The following ZNF638 variants were observed in gnomAD, a reference collection of about 807,000 sequenced individuals.
ZNF638 encodes the protein zinc finger protein 638.
ZNF638 carries 46 observed loss-of-function variants against 195.6 expected under a neutral mutation model. The observed-to-expected ratio is 0.24, with a 90% CI of 0.19 to 0.30. ZNF638 has a LOEUF of 0.30. Among genes scored for constraint, ZNF638 ranks in the 10% least tolerant of loss-of-function variants. The probability of loss-of-function intolerance (pLI) is 1.00; values close to 1 mark genes in which losing one functional copy is unlikely to be tolerated. For missense variants in ZNF638, 2,440 were observed against 2,325.3 expected, an observed-to-expected ratio of 1.05 and a Z score of -1.01; for synonymous variants, 845 against 772.0, an observed-to-expected ratio of 1.09 and a Z score of -1.57.
chr2:71,403,658 A>T (rs186965945), intron 16 of ZNF638, among the ~76,000 whole-genome samples: 3 of 152,024 alleles, frequency 2.0e-5, no homozygotes, highest in African/African-American at 7.2e-5. Flanking sequence ...TAGTATAGTA[A>T]GTTTATTCAT....
At chr2:71,370,714 A>G (rs1202386366) in intron 8 of ZNF638, among the ~76,000 whole-genome samples, 1 of 152,140 alleles carries the variant, frequency 6.6e-6, no homozygotes, top group African/African-American at 2.4e-5. Context: ...GGTACATAGT[A>G]GGTATATATA....
At chr2:71,333,051 C>T (rs1220193920) in intron 1 of ZNF638, 3 of 152,022 alleles carry the variant, frequency 2.0e-5, no homozygotes, top group Non-Finnish European at 2.9e-5. Context: ...AATTGATAAC[C>T]TGGAGAAAAG....
Position 71,423,056 on chromosome 2 carries a change from T to C in ZNF638, c.3542T>C (p.Val1181Ala), listed in dbSNP as rs754995127. 3 of 1,614,036 alleles carry C rather than the reference T, an allele frequency of 1.9e-6. No homozygotes were observed. The highest frequency in any genetic ancestry group is 2.2e-5 in the East Asian group (1 of 44,886). Residue 1181 changes from valine (V) to alanine (A), a missense_variant, in exon 22 of 28, where the codon GTA becomes GCA. This residue lies in a region of ZNF638 where 1,883 missense variants were observed against 1,739.1 expected (regional missense o/e 1.08). Coordinates refer to ENST00000264447, the MANE Select transcript of ZNF638 (RefSeq NM_014497.5). ...GAGGTCAAAGAAGAAATTCCTCTTG[T>C]AGCATCCGCTTCAGTCAGTATTGAA... ...GEEVKEEIPL[V>A]ASASVSIEQF... is the part of the protein sequence containing the mutation.
In ZNF638 at chr2:71,364,343, T is replaced by A; in HGVS notation, c.1717+91T>A. 6 of 1,347,940 alleles carry A rather than the reference T, an allele frequency of 4.5e-6. No individual in the cohort carries two copies. In the South Asian group the frequency reaches 9.0e-5, roughly 20 times the overall value. 83.5% of individuals were successfully genotyped at this position (1,347,940 alleles called of 1,614,324 possible). On this transcript the variant is annotated intron_variant, in intron 5 of 27. Transcript: ENST00000264447. ...TTGGATTTTGAGAAATGTTCTACTT[T>A]ATTAAATTTTAGAGTTGATAAATGA... is the stretch of plus-strand genomic sequence containing the variant.
chr2:71,396,137 T>G lies in ZNF638; in HGVS notation c.2378-4T>G. On this transcript the variant is annotated splice_polypyrimidine_tract_variant and splice_region_variant and intron_variant, in intron 10 of 27. Transcript: ENST00000264447. ...GTACTTAAATGTTTTTCTTGTTGTTTTAGCCAAAACTGGACAAGCCAAGGC... is the reference window on the plus strand; with the variant it reads ...GTACTTAAATGTTTTTCTTGTTGTTGTAGCCAAAACTGGACAAGCCAAGGC... 1 of 1,612,542 alleles carries G rather than the reference T, an allele frequency of 6.2e-7. No individual in the cohort carries two copies. Among genetic ancestry groups the G allele is most frequent in the Non-Finnish European group, 8.5e-7 (1 of 1,179,544 alleles).
intron 10 of ZNF638, among the ~76,000 whole-genome samples, chr2:71,383,307 C>T (rs895844869): frequency 6.6e-6 from 1 of 152,068 alleles, no homozygotes; most frequent in Non-Finnish European, 1.5e-5. Flanking sequence ...AAGAGCGAGA[C>T]TCCACCTCAA....
At chr2:71,346,218 A>G (rs575226138) in intron 1 of ZNF638, among the ~76,000 whole-genome samples, 5 of 152,348 alleles carry the variant, frequency 3.3e-5, no homozygotes, top group African/African-American at 4.8e-5. Context: ...CAAATGGAAT[A>G]AGTGGTTCAG....
intron 8 of ZNF638, chr2:71,375,212 A>G (rs1038213155): frequency 2.0e-5 from 3 of 152,202 alleles, no homozygotes; most frequent in Non-Finnish European, 4.4e-5. Context: ...GGCCTTAGTT[A>G]TTAACAATTT....
intron 20 of ZNF638, among the ~76,000 whole-genome samples, chr2:71,409,584 C>T (rs764318344): frequency 2.0e-5 from 3 of 152,144 alleles, no homozygotes; most frequent in Non-Finnish European, 1.5e-5. Flanking sequence ...TATTCCCAGT[C>T]ATTTCTCAAA....
At chr2:71,395,700 TTC>T (rs1159101393) in intron 10 of ZNF638, 6 of 457,618 alleles carry the variant, frequency 1.3e-5, no homozygotes, top group Non-Finnish European at 2.5e-5. Flanking sequence ...CAGGGCTGCA[TTC>T]TCTCTTTGGT....
At chr2:71,360,409 A>G (rs528105084) in intron 3 of ZNF638, among the ~76,000 whole-genome samples, 1 of 152,298 alleles carries the variant, frequency 6.6e-6, no homozygotes, top group South Asian at 2.1e-4. Context: ...AGTTCCTTCT[A>G]ATATATAAGC....
chr2:71,421,489 A>G lies in ZNF638; in HGVS notation c.3300-1325A>G, dbSNP rs146547656. 2.2e-3 allele frequency among the ~76,000 whole-genome samples: 332 copies of G among 152,262 alleles called. 3 individuals carry two copies. The highest frequency in any genetic ancestry group is 7.3e-3 in the African/African-American group (302 of 41,558). On this transcript the variant is annotated intron_variant, in intron 21 of 27. Transcript: ENST00000264447. ...AGAAAAGTTTTCTCCTCAGGATGTA[A>G]TCTTTGGGGCATGAGGGAAGACCAG...
At position 71,431,406 on chromosome 2, in the gene ZNF638, A is replaced by C; in HGVS notation, c.5730A>C (p.Ser1910=). 5 of 1,614,030 alleles carry C rather than the reference A, an allele frequency of 3.1e-6. No homozygotes were observed. The highest frequency in any genetic ancestry group is 4.2e-6 in the Non-Finnish European group (5 of 1,179,898). ...CTGAAGACTCTTCTTCAGGCAAATCAGTGGCGTCTGATGTCCCTGAGGGTA... is the reference window on the plus strand; with the variant it reads ...CTGAAGACTCTTCTTCAGGCAAATCCGTGGCGTCTGATGTCCCTGAGGGTA... ...KKTEDSSSGK[S]VASDVPEELD... Residue 1910 remains serine (S), a synonymous_variant, in exon 26 of 28, where the codon TCA becomes TCC. Coordinates refer to ENST00000264447, the MANE Select transcript of ZNF638 (RefSeq NM_014497.5).
chr2:71,347,532 A>T (rs1336484707), intron 1 of ZNF638, among the ~76,000 whole-genome samples: 1 of 152,236 alleles, frequency 6.6e-6, no homozygotes, highest in Non-Finnish European at 1.5e-5. Flanking sequence ...CATGATGTTG[A>T]TGTTTATAAC....
rs541541672 is a variant in ZNF638, at chr2:71,336,423, TAAAC to T, written c.-203+4552_-203+4555del. 3.9e-3 allele frequency among the ~76,000 whole-genome samples: 579 copies of T among 149,442 alleles called. 6 individuals carry two copies. Among genetic ancestry groups the T allele is most frequent in the African/African-American group, 0.013 (548 of 40,894 alleles). ...AAACCAAAAAAACACAAGTGCTTGT[TAAAC>T]AAATTGCTAGATCTCAATATAGGAA... On this transcript the variant is annotated intron_variant, in intron 1 of 27. Transcript: ENST00000264447.
rs926358533 is a variant in ZNF638, at chr2:71,382,084, T to A, written c.2377+1519T>A. Among the ~76,000 whole-genome samples, 38 of 152,134 alleles carry A rather than the reference T, an allele frequency of 2.5e-4. 2 individuals carry two copies. The highest frequency in any genetic ancestry group is 9.8e-4 in the Admixed American group (15 of 15,272). Reference sequence around the variant, plus strand: ...TTTTTCAGTAAGTGAGTTTAAAAAATTTTTTAAATAATTATAAAATTTCCA... The same window carrying A: ...TTTTTCAGTAAGTGAGTTTAAAAAAATTTTTAAATAATTATAAAATTTCCA... On this transcript the variant is annotated intron_variant, in intron 10 of 27. Transcript: ENST00000264447.
chr2:71,334,763 G>GA (rs767539877), intron 1 of ZNF638, among the ~76,000 whole-genome samples: 6 of 151,392 alleles, frequency 4.0e-5, no homozygotes, highest in Non-Finnish European at 7.4e-5. Context: ...ACTAAAAATA[G>GA]AAAAAAAATT....
chr2:71,379,234 T>C (rs1218956609), intron 8 of ZNF638, among the ~76,000 whole-genome samples: 1 of 152,206 alleles, frequency 6.6e-6, no homozygotes, highest in Non-Finnish European at 1.5e-5. Context: ...GTTACAGTAG[T>C]TCCCGTTTAT....
At chr2:71,365,341 T>C in intron 5 of ZNF638, 88 bp from the exon 6 acceptor site, 1 of 1,102,164 alleles carries the variant, frequency 9.1e-7, no homozygotes, top group Non-Finnish European at 1.3e-6. Context: ...CCTGTTTAGC[T>C]TGAGAATAGC....
Sources: allele counts gnomAD v4.1 joint callset (sites outside exome capture counted in the v4.1 genomes callset), GRCh38; gene constraint gnomAD v4.1.1; regional missense constraint gnomAD v4.1.1; transcripts MANE v1.5; gene names NCBI Gene and HGNC (gene_info 2026-07-23, HGNC 2026-07-21).